The following UBASH3B variants were observed in gnomAD, a reference collection of about 807,000 sequenced individuals.
The protein encoded by UBASH3B is ubiquitin associated and SH3 domain containing B, also known as ubiquitin-associated and SH3 domain-containing protein B.
In UBASH3B, 37 loss-of-function variants were observed where a neutral mutation model predicts 83.4. The observed-to-expected ratio is 0.44, with a 90% CI of 0.34 to 0.58. The LOEUF is 0.58. UBASH3B is among the 20% of genes least tolerant of loss of function. The pLI is 0.01. For synonymous variants in UBASH3B, 304 were observed against 318.3 expected (o/e 0.96, Z 0.48); for missense variants, 657 against 827.2 (o/e 0.79, Z 2.52).
chr11:122,728,019 T>A (rs1398823053), intron 1 of UBASH3B, among the ~76,000 whole-genome samples: 1 of 108,926 alleles, frequency 9.2e-6, no homozygotes, highest in Non-Finnish European at 2.0e-5. Flanking sequence ...TATTATTATT[T>A]TTAGAGATGA....
chr11:122,704,051 G>A (rs750169215), intron 1 of UBASH3B, among the ~76,000 whole-genome samples: 8 of 152,162 alleles, frequency 5.3e-5, no homozygotes, highest in Non-Finnish European at 1.2e-4. Context: ...CTTACTCAGG[G>A]TGCCTGCGGC....
rs1302821543 is a variant in UBASH3B, at chr11:122,710,341, G to C, written c.161+54131G>C. On this transcript the variant is annotated intron_variant, in intron 1 of 13. Coordinates refer to ENST00000284273, the MANE Select transcript of UBASH3B (RefSeq NM_032873.5). The stretch of plus-strand genomic sequence containing the variant: ...GAGCAAGTCCCGGAGCGGGCTGGTG[G>C]TTGGAGAGATGGTGGGGCCACCATT... Among the ~76,000 whole-genome samples the C allele has an allele frequency of 8.5e-5, 13 of 152,158 alleles. 1 individual carries two copies. In the South Asian group the frequency reaches 2.7e-3, roughly 32 times the overall value.
At position 122,789,379 on chromosome 11, in the gene UBASH3B, G is replaced by A. The variant is rs1861012727; in HGVS notation, c.980+71G>A. The stretch of plus-strand genomic sequence containing the variant: ...AGGCAGACTGGATCCTGGATACACA[G>A]GGCAGCAGTAAATGGAGTCCATGGG... On this transcript the variant is annotated intron_variant, in intron 6 of 13. Transcript: ENST00000284273. The A allele has an allele frequency of 3.9e-6, 6 of 1,528,900 alleles. No homozygotes were observed. The African/African-American group carries it at 4.1e-5, about 10-fold the overall frequency. The allele number at this position is 1,528,900 out of a possible 1,614,324, so 94.7% of individuals were successfully genotyped here. A position where few individuals can be genotyped will look rare whatever the true frequency, so the allele number is the denominator to read the frequency against.
At chr11:122,687,942 C>A (rs187165392) in intron 1 of UBASH3B, among the ~76,000 whole-genome samples, 5 of 152,268 alleles carry the variant, frequency 3.3e-5, no homozygotes, top group Admixed American at 2.6e-4. Flanking sequence ...ATAGATTATA[C>A]ATAAATTTTG....
chr11:122,709,335 G>T (rs1864162578), intron 1 of UBASH3B: 1 of 152,264 alleles, frequency 6.6e-6, no homozygotes. Flanking sequence ...AGAGGCTGCA[G>T]CAAGAGGGCA....
intron 1 of UBASH3B, among the ~76,000 whole-genome samples, chr11:122,755,988 A>G (rs1401502030): frequency 6.6e-6 from 1 of 152,176 alleles, no homozygotes; most frequent in Non-Finnish European, 1.5e-5. Context: ...CACTGAACAC[A>G]GGAGTTCCTG....
chr11:122,782,894 C>T, intron 4 of UBASH3B, 159 bp from the exon 5 acceptor site: 1 of 828,674 alleles, frequency 1.2e-6, no homozygotes, highest in Non-Finnish European at 1.9e-6. Flanking sequence ...TCCCCTTACC[C>T]CCTTATTCTA....
chr11:122,733,881 CTCTT>C (rs1860887741), intron 1 of UBASH3B, among the ~76,000 whole-genome samples: 2 of 152,108 alleles, frequency 1.3e-5, no homozygotes, highest in African/African-American at 4.8e-5. Context: ...AATGTCTCCT[CTCTT>C]TTTTTTTGTT....
chr11:122,741,516 T>C (rs1402062512), intron 1 of UBASH3B, among the ~76,000 whole-genome samples: 2 of 152,202 alleles, frequency 1.3e-5, no homozygotes, highest in South Asian at 2.1e-4. Flanking sequence ...TCAGTTCACA[T>C]AGTGGTCAGT....
intron 1 of UBASH3B, among the ~76,000 whole-genome samples, chr11:122,723,374 C>T (rs1025719881): frequency 1.3e-5 from 2 of 152,232 alleles, no homozygotes; most frequent in African/African-American, 2.4e-5. Flanking sequence ...AGCCAAGTCT[C>T]CAGCCTAAAG....
chr11:122,767,150 T>C (rs1591804505), intron 1 of UBASH3B, among the ~76,000 whole-genome samples: 1 of 151,728 alleles, frequency 6.6e-6, no homozygotes, highest in Non-Finnish European at 1.5e-5. Context: ...TAGTGGCTCA[T>C]GCCTGTAATC....
intron 11 of UBASH3B, among the ~76,000 whole-genome samples, chr11:122,801,933 T>C (rs1861264817): frequency 6.6e-6 from 1 of 152,230 alleles, no homozygotes; most frequent in African/African-American, 2.4e-5. Context: ...CCTGTTCCTT[T>C]CCTTTTTCCA....
At chr11:122,753,801 G>C (rs1344453274) in intron 1 of UBASH3B, among the ~76,000 whole-genome samples, 1 of 151,950 alleles carries the variant, frequency 6.6e-6, no homozygotes, top group Admixed American at 6.6e-5. Context: ...GGCCAACCCT[G>C]AGTTTCTTAA....
At chr11:122,684,960 A>G (rs12421957) in intron 1 of UBASH3B, among the ~76,000 whole-genome samples, 7,682 of 152,286 alleles carry the variant, frequency 0.05, 285 homozygotes, top group Admixed American at 0.085. Flanking sequence ...AAATCCTTAT[A>G]TAACTGATAA....
At chr11:122,720,542 TA>T (rs1415245319) in intron 1 of UBASH3B, among the ~76,000 whole-genome samples, 2 of 152,352 alleles carry the variant, frequency 1.3e-5, no homozygotes, top group East Asian at 1.9e-4. Context: ...AAGTTAAATC[TA>T]AAGCCTTCCT....
At chr11:122,796,335 C>G (rs1861156434) in intron 8 of UBASH3B, 59 bp downstream of exon 8, 8 of 1,593,150 alleles carry the variant, frequency 5.0e-6, no homozygotes, top group Non-Finnish European at 6.9e-6. Context: ...CTAGGCGGCA[C>G]AGTCAAGCTA....
At chr11:122,805,879 A>G (rs1298258917) in intron 11 of UBASH3B, among the ~76,000 whole-genome samples, 1 of 152,242 alleles carries the variant, frequency 6.6e-6, no homozygotes, top group Non-Finnish European at 1.5e-5. Flanking sequence ...AGTGGTCTTC[A>G]TCTTTATGCT....
intron 1 of UBASH3B, among the ~76,000 whole-genome samples, chr11:122,660,798 A>C (rs34606895): frequency 3.8e-4 from 58 of 152,148 alleles, no homozygotes; most frequent in Non-Finnish European, 6.8e-4. Flanking sequence ...CTTTGTCTAC[A>C]ACAAATGGCT....
intron 1 of UBASH3B, among the ~76,000 whole-genome samples, chr11:122,754,251 A>G (rs758639870): frequency 6.6e-6 from 1 of 152,250 alleles, no homozygotes; most frequent in Non-Finnish European, 1.5e-5. Flanking sequence ...TGGCTTATCA[A>G]TGCCACTCCA....
Sources: gnomAD v4.1 joint callset for allele counts (sites outside exome capture counted in the v4.1 genomes callset) on GRCh38, gnomAD v4.1.1 for gene constraint, MANE v1.5 for transcripts, NCBI Gene and HGNC (gene_info 2026-07-23, HGNC 2026-07-21) for gene names.